Variants in ROBO2 observed in about 807,000 individuals in gnomAD.
ROBO2 encodes the protein roundabout guidance receptor 2.
Under a neutral mutation model 160.8 loss-of-function variants are expected in ROBO2, and 53 were observed. The ratio of observed to expected loss-of-function variants is 0.33; its 90% confidence interval spans 0.26 to 0.41. The LOEUF (loss-of-function observed/expected upper bound fraction) is 0.41, where lower values mean the gene tolerates loss of function less well. ROBO2 is among the 10% of genes least tolerant of loss of function. The pLI, the probability that ROBO2 is intolerant of heterozygous loss-of-function variation, is 1.00. For missense variants in ROBO2, 1,577 were observed against 1,722.4 expected, an observed-to-expected ratio of 0.92 and a Z score of 1.49; for synonymous variants, 664 against 611.7, an observed-to-expected ratio of 1.09 and a Z score of -1.26.
At chr3:77,490,260 C>T (rs546402600) in intron 4 of ROBO2, among the ~76,000 whole-genome samples, 1 of 151,902 alleles carries the variant, frequency 6.6e-6, no homozygotes, top group African/African-American at 2.4e-5. Flanking sequence ...GCCACCGCCC[C>T]AGCTAATTTT....
chr3:77,258,448 A>G (rs1580435415), intron 2 of ROBO2, among the ~76,000 whole-genome samples: 1 of 152,174 alleles, frequency 6.6e-6, no homozygotes, highest in African/African-American at 2.4e-5. Context: ...TCAGAGGAAG[A>G]GATAGTTTTA....
intron 2 of ROBO2, among the ~76,000 whole-genome samples, chr3:77,364,281 A>T (rs557550401): frequency 6.6e-6 from 1 of 152,118 alleles, no homozygotes; most frequent in Non-Finnish European, 1.5e-5. Flanking sequence ...TTTTAATATT[A>T]TCTAGTGTGG....
At chr3:76,419,030 T>G (rs1294862024) in intron 2 of ROBO2, among the ~76,000 whole-genome samples, 1 of 152,200 alleles carries the variant, frequency 6.6e-6, no homozygotes, top group Non-Finnish European at 1.5e-5. Flanking sequence ...CTCTTGTATA[T>G]AAAGATTAGT....
rs1553651478 is a variant in ROBO2, at chr3:76,834,171, TTCTCTC to T, written c.110-263829_110-263824del. On this transcript the variant is annotated intron_variant, in intron 2 of 26. Coordinates refer to the ROBO2 transcript ENST00000487694. ...CCTTTCTTTCTCTCTCTTTCTTTCT[TTCTCTC>T]TCTCTCTCTCTCTTTCTTTCTTTCT... Among the ~76,000 whole-genome samples the T allele has an allele frequency of 2.6e-5, 3 of 117,010 alleles. No homozygotes were observed. The East Asian group carries it at 9.4e-4, about 37-fold the overall frequency. The allele number at this position is 117,010 out of a possible 152,430, so 76.8% of individuals were successfully genotyped here.
intron 23 of ROBO2, chr3:77,629,627 G>A (rs993454033): frequency 3.9e-5 from 6 of 151,928 alleles, no homozygotes; most frequent in African/African-American, 1.2e-4. Flanking sequence ...GTATATCAAA[G>A]CATAACCAAT....
chr3:77,095,097 C>G (rs1436786127), intron 1 of ROBO2, among the ~76,000 whole-genome samples: 1 of 151,978 alleles, frequency 6.6e-6, no homozygotes, highest in Non-Finnish European at 1.5e-5. Context: ...TCACCTAATT[C>G]AAAATCATAA....
chr3:77,322,250 C>G (rs1275898141), intron 2 of ROBO2, among the ~76,000 whole-genome samples: 2 of 152,106 alleles, frequency 1.3e-5, no homozygotes, highest in East Asian at 3.9e-4. Context: ...CTTTGACTTC[C>G]TACCAAACAT....
intron 2 of ROBO2, among the ~76,000 whole-genome samples, chr3:77,120,091 C>A (rs1252675546): frequency 3.3e-5 from 5 of 152,188 alleles, no homozygotes; most frequent in African/African-American, 1.2e-4. Flanking sequence ...GAATCATCAA[C>A]AACCTTGATT....
intron 24 of ROBO2, among the ~76,000 whole-genome samples, chr3:77,635,593 A>G (rs1412928706): frequency 6.6e-6 from 1 of 152,228 alleles, no homozygotes; most frequent in East Asian, 1.9e-4. Context: ...CATATAAGAC[A>G]GTGGTGCCAT....
intron 2 of ROBO2, among the ~76,000 whole-genome samples, chr3:76,219,282 A>T (rs1169510065): frequency 1.3e-5 from 2 of 152,220 alleles, no homozygotes; most frequent in Non-Finnish European, 2.9e-5. Flanking sequence ...CTTCATGTCT[A>T]AAACACCAAA....
chr3:76,629,577 T>C (rs2089897975), intron 2 of ROBO2, among the ~76,000 whole-genome samples: 1 of 152,200 alleles, frequency 6.6e-6, no homozygotes, highest in Non-Finnish European at 1.5e-5. Flanking sequence ...CTGGCCATGC[T>C]GGCAGTTGAT....
Position 76,031,399 on chromosome 3 carries a change from G to T in ROBO2, c.109+93797G>T, listed in dbSNP as rs144729328. Among the ~76,000 whole-genome samples the T allele has an allele frequency of 5.4e-3, 825 of 152,250 alleles. 11 individuals carry two copies. Among genetic ancestry groups the T allele is most frequent in the African/African-American group, 0.019 (798 of 41,550 alleles). The stretch of plus-strand genomic sequence containing the variant: ...CCCTGGCCAGAACTTCCAACACTAT[G>T]TTGAATAGGAGTGGTGAGAGAAGGC... On this transcript the variant is annotated intron_variant, in intron 2 of 26. Coordinates refer to the ROBO2 transcript ENST00000487694.
At chr3:76,846,854 T>A (rs1259380677) in intron 2 of ROBO2, among the ~76,000 whole-genome samples, 1 of 152,168 alleles carries the variant, frequency 6.6e-6, no homozygotes, top group African/African-American at 2.4e-5. Flanking sequence ...TTTTGACCAA[T>A]ACTGGTCTGT....
chr3:77,519,340 CTT>C (rs1329229394), intron 5 of ROBO2, among the ~76,000 whole-genome samples: 4 of 151,160 alleles, frequency 2.6e-5, no homozygotes, highest in African/African-American at 9.7e-5. Flanking sequence ...TAAATAAAAA[CTT>C]TTAATTTTTT....
At chr3:76,786,188 G>A (rs1230666217) in intron 2 of ROBO2, among the ~76,000 whole-genome samples, 3 of 151,124 alleles carry the variant, frequency 2.0e-5, no homozygotes, top group Non-Finnish European at 4.4e-5. Context: ...TTGTATTTCT[G>A]ATCCATATAA....
At chr3:76,895,778 G>A (rs907682222) in intron 2 of ROBO2, among the ~76,000 whole-genome samples, 13 of 152,120 alleles carry the variant, frequency 8.5e-5, no homozygotes, top group African/African-American at 1.2e-4. Flanking sequence ...TCATTTACTC[G>A]AATTAGGTTA....
intron 2 of ROBO2, among the ~76,000 whole-genome samples, chr3:76,265,685 T>C (rs1469951687): frequency 6.6e-6 from 1 of 152,168 alleles, no homozygotes; most frequent in African/African-American, 2.4e-5. Context: ...ATTCCCATTA[T>C]ACAGAAAGGA....
At chr3:76,938,462 G>A (rs1476268292) in intron 2 of ROBO2, among the ~76,000 whole-genome samples, 1 of 150,568 alleles carries the variant, frequency 6.6e-6, no homozygotes, top group Non-Finnish European at 1.5e-5. Context: ...TGTTATTTTA[G>A]GGTAGAGCCC....
chr3:76,945,119 A>G (rs1436593434), intron 2 of ROBO2, among the ~76,000 whole-genome samples: 1 of 151,938 alleles, frequency 6.6e-6, no homozygotes, highest in Non-Finnish European at 1.5e-5. Context: ...GGATCTCCTG[A>G]CCTCGTGATC....
Sources: gnomAD v4.1 joint callset for allele counts (sites outside exome capture counted in the v4.1 genomes callset) on GRCh38, gnomAD v4.1.1 for gene constraint, MANE v1.5 for transcripts, NCBI Gene and HGNC (gene_info 2026-07-23, HGNC 2026-07-21) for gene names.